Variants in USH2A observed in about 807,000 individuals in gnomAD.
USH2A encodes the protein Usher syndrome 2A (autosomal recessive, mild).
In USH2A, 443 loss-of-function variants were observed where a neutral mutation model predicts 538.9. The observed-to-expected ratio is 0.82, with a 90% CI of 0.76 to 0.89. The LOEUF (loss-of-function observed/expected upper bound fraction) is 0.89, where lower values mean the gene tolerates loss of function less well. Ranked by LOEUF, USH2A falls within the 40% of genes least tolerant of loss-of-function variation. The pLI is 0.00. For missense variants in USH2A, 6,633 were observed against 6,324.8 expected, an observed-to-expected ratio of 1.05 and a Z score of -1.65; for synonymous variants, 2,413 against 2,273.5, an observed-to-expected ratio of 1.06 and a Z score of -1.75.
intron 13 of USH2A, among the ~76,000 whole-genome samples, chr1:216,242,277 G>A (rs1479562639): frequency 6.6e-6 from 1 of 151,562 alleles, no homozygotes. Context: ...GAACCTGGGA[G>A]GCAGAGCTGG....
At chr1:216,164,749 A>C (rs773897395) in intron 21 of USH2A, among the ~76,000 whole-genome samples, 1 of 152,150 alleles carries the variant, frequency 6.6e-6, no homozygotes, top group Non-Finnish European at 1.5e-5. Flanking sequence ...AGAAGTATCA[A>C]CAAGATTTAT....
At chr1:216,315,579 A>G (rs1273902522) in intron 9 of USH2A, among the ~76,000 whole-genome samples, 1 of 152,160 alleles carries the variant, frequency 6.6e-6, no homozygotes, top group Non-Finnish European at 1.5e-5. Context: ...TATATTTTTA[A>G]GTGGGTATAT....
intron 44 of USH2A, among the ~76,000 whole-genome samples, chr1:215,854,740 T>C (rs1361338521): frequency 6.6e-6 from 1 of 152,238 alleles, no homozygotes; most frequent in East Asian, 1.9e-4. Context: ...GTGTGCCATT[T>C]ACATAGTGCA....
At chr1:216,365,231 G>T in intron 3 of USH2A, 146 bp from the exon 4 acceptor site, 1 of 928,146 alleles carries the variant, frequency 1.1e-6, no homozygotes. Flanking sequence ...TAATAGCTCA[G>T]TGATATCTCC....
intron 9 of USH2A, among the ~76,000 whole-genome samples, chr1:216,302,008 T>C (rs2037224992): frequency 6.6e-6 from 1 of 152,236 alleles, no homozygotes; most frequent in Admixed American, 6.5e-5. Context: ...AGAGAAATCA[T>C]CTTTATAAAC....
At chr1:216,254,231 A>G (rs2102556516) in intron 11 of USH2A, among the ~76,000 whole-genome samples, 1 of 152,304 alleles carries the variant, frequency 6.6e-6, no homozygotes. Context: ...AAGCATTATT[A>G]TTTTTAAAAA....
chr1:215,973,018 A>T (rs1286454178), intron 35 of USH2A, among the ~76,000 whole-genome samples: 1 of 152,196 alleles, frequency 6.6e-6, no homozygotes, highest in African/African-American at 2.4e-5. Context: ...TCAGGTAATA[A>T]CAATGACCAA....
intron 21 of USH2A, among the ~76,000 whole-genome samples, chr1:216,113,845 T>C (rs2032936250): frequency 6.6e-6 from 1 of 151,834 alleles, no homozygotes; most frequent in Admixed American, 6.6e-5. Flanking sequence ...ATATTTTTTC[T>C]GTTCATTTTC....
rs2102565200 is a variant in USH2A, at chr1:216,089,050, C to T, written c.4848G>A (p.Gln1616=). 7 of 1,613,484 alleles carry T rather than the reference C, an allele frequency of 4.3e-6. No homozygotes were observed. Among genetic ancestry groups the T allele is most frequent in the Non-Finnish European group, 5.9e-6 (7 of 1,179,610 alleles). The change falls in exon 23 of 72, where the codon CAG becomes CAA. Residue 1616 remains glutamine, a synonymous_variant. Transcript: ENST00000307340. The part of the protein sequence containing the change: ...KWHEIIAIRH[Q]AFGQITLDGI... ...CATCCAGAGTGATTTGGCCAAAAGC[C>T]TGATGCCTAATAGCAATTATTTCAT...
intron 21 of USH2A, among the ~76,000 whole-genome samples, chr1:216,124,319 C>T (rs2033201347): frequency 1.3e-5 from 2 of 151,838 alleles, no homozygotes; most frequent in African/African-American, 4.8e-5. Flanking sequence ...CAGGCAGTAT[C>T]AAAGCTGACA....
intron 30 of USH2A, among the ~76,000 whole-genome samples, chr1:216,069,613 A>C (rs1280657300): frequency 6.6e-6 from 1 of 152,154 alleles, no homozygotes; most frequent in East Asian, 1.9e-4. Context: ...TCTTCATGGC[A>C]CACCACACTG....
intron 38 of USH2A, among the ~76,000 whole-genome samples, chr1:215,929,382 A>G (rs1666308901): frequency 6.6e-6 from 1 of 152,038 alleles, no homozygotes; most frequent in South Asian, 2.1e-4. Context: ...ATCACTTCCC[A>G]TGCTTCCTGC....
intron 21 of USH2A, among the ~76,000 whole-genome samples, chr1:216,167,229 C>T (rs564068970): frequency 1.3e-5 from 2 of 152,104 alleles, no homozygotes; most frequent in African/African-American, 4.8e-5. Flanking sequence ...AGAGAAGCAC[C>T]GCCCCCCACA....
chr1:216,160,391 T>C (rs2034033126), intron 21 of USH2A, among the ~76,000 whole-genome samples: 1 of 152,168 alleles, frequency 6.6e-6, no homozygotes, highest in Non-Finnish European at 1.5e-5. Flanking sequence ...TAATTTCTTT[T>C]TGAGCCAGGG....
chr1:215,748,017 G>C (rs1486139777), intron 58 of USH2A, among the ~76,000 whole-genome samples: 11 of 151,488 alleles, frequency 7.3e-5, no homozygotes, highest in Admixed American at 5.3e-4. Context: ...TCAGCCTCCC[G>C]AGTAGCTGGG....
At position 216,199,612 on chromosome 1, in the gene USH2A, G is replaced by A. The variant is rs1325122612; in HGVS notation, c.3811+15C>T. On this transcript the variant is annotated intron_variant, in intron 17 of 71. Coordinates refer to ENST00000307340, the MANE Select transcript of USH2A (RefSeq NM_206933.4). ...GTCTTGACCAAAAAGGGGAATCTCAGCCTTGGATTCTTACCATTTAGTTCC... is the reference window on the plus strand; with the variant it reads ...GTCTTGACCAAAAAGGGGAATCTCAACCTTGGATTCTTACCATTTAGTTCC... 1 of 1,613,712 alleles carries A rather than the reference G, an allele frequency of 6.2e-7. No homozygotes were observed. Among genetic ancestry groups the A allele is most frequent in the Non-Finnish European group, 8.5e-7 (1 of 1,179,972 alleles).
At chr1:216,344,799 G>A (rs536336020) in intron 4 of USH2A, among the ~76,000 whole-genome samples, 1 of 151,752 alleles carries the variant, frequency 6.6e-6, no homozygotes, top group African/African-American at 2.4e-5. Context: ...CCCAACTTAA[G>A]AAGGTTAGAG....
chr1:216,087,051 T>C (rs1035486863), intron 23 of USH2A: 3 of 476,884 alleles, frequency 6.3e-6, no homozygotes, highest in African/African-American at 2.0e-5. Context: ...TCTCTACCCA[T>C]AGGCACCCCC....
chr1:216,002,427 C>G (rs12136788), intron 32 of USH2A, among the ~76,000 whole-genome samples: 19,132 of 152,134 alleles, frequency 0.13, 1,303 homozygotes, highest in Middle Eastern at 0.21. Flanking sequence ...GGATTTGACT[C>G]TAAGTCCCGT....
Sources: gnomAD v4.1 joint callset for allele counts (sites outside exome capture counted in the v4.1 genomes callset) on GRCh38, gnomAD v4.1.1 for gene constraint, MANE v1.5 for transcripts, NCBI Gene and HGNC (gene_info 2026-07-23, HGNC 2026-07-21) for gene names.